The following CERT1 variants were observed in gnomAD, a reference collection of about 807,000 sequenced individuals.
The protein encoded by CERT1 is ceramide transfer protein.
Under a neutral mutation model 87.9 loss-of-function variants are expected in CERT1, and 31 were observed. The ratio of observed to expected loss-of-function variants is 0.35; its 90% CI spans 0.27 to 0.48. The LOEUF (loss-of-function observed/expected upper bound fraction) is 0.48, where lower values mean the gene tolerates loss of function less well. Among genes scored for constraint, CERT1 ranks in the 20% least tolerant of loss-of-function variants. The pLI, the probability that CERT1 is intolerant of heterozygous loss-of-function variation, is 0.99. For synonymous variants in CERT1, 289 were observed against 250.9 expected, an observed-to-expected ratio of 1.15 and a Z score of -1.44; for missense variants, 487 against 758.0, an observed-to-expected ratio of 0.64 and a Z score of 4.20.
At chr5:75,418,043 C>A (rs1763216851) in intron 6 of CERT1, among the ~76,000 whole-genome samples, 1 of 152,186 alleles carries the variant, frequency 6.6e-6, no homozygotes, top group African/African-American at 2.4e-5. Flanking sequence ...GTAATCCCAG[C>A]TACTCAGGAG....
rs540809207 is a variant in CERT1 at position 75,407,567 on chromosome 5, A to C, written c.930+3444T>G. On this transcript the variant is annotated intron_variant, in intron 8 of 16. Transcript: ENST00000643780. ...AAACAAAAAAAACGAATAAGAAAAC[A>C]ACCAAAGGACATGGCCAAGTTAATC... Among the ~76,000 whole-genome samples the C allele has an allele frequency of 2.7e-5, 4 of 149,972 alleles. No homozygotes were observed. The South Asian group carries it at 6.2e-4, about 23-fold the overall frequency.
chr5:75,449,031 A>T (rs116288165), intron 3 of CERT1, among the ~76,000 whole-genome samples: 3,602 of 152,294 alleles, frequency 0.024, 139 homozygotes, highest in African/African-American at 0.082. Context: ...AAATCATAAA[A>T]TGCATTTTCA....
intron 1 of CERT1, among the ~76,000 whole-genome samples, chr5:75,508,973 T>C (rs886450473): frequency 1.3e-5 from 2 of 152,054 alleles, no homozygotes; most frequent in African/African-American, 2.4e-5. Flanking sequence ...CCATGATCCA[T>C]CACGATACTT....
chr5:75,482,520 T>C (rs945857658), intron 2 of CERT1, among the ~76,000 whole-genome samples: 2 of 152,192 alleles, frequency 1.3e-5, no homozygotes, highest in Admixed American at 6.5e-5. Flanking sequence ...GGAGAGCCTT[T>C]AGGCCTTGAG....
At chr5:75,392,233 T>C (rs1425733409) in intron 11 of CERT1, among the ~76,000 whole-genome samples, 4 of 152,202 alleles carry the variant, frequency 2.6e-5, no homozygotes, top group South Asian at 2.1e-4. Context: ...CCTTCAATGG[T>C]AGGCCACGAG....
chr5:75,393,107 G>T (rs1461781303), intron 11 of CERT1, among the ~76,000 whole-genome samples: 1 of 147,290 alleles, frequency 6.8e-6, no homozygotes, highest in African/African-American at 2.5e-5. Flanking sequence ...TGACATTCTA[G>T]GAAATAATGT....
At chr5:75,447,945 T>G (rs1764624550) in intron 3 of CERT1, among the ~76,000 whole-genome samples, 1 of 152,154 alleles carries the variant, frequency 6.6e-6, no homozygotes, top group Non-Finnish European at 1.5e-5. Context: ...CGGCTTGTAT[T>G]TTCTTACTTT....
At chr5:75,415,633 G>C (rs1315580199) in intron 7 of CERT1, among the ~76,000 whole-genome samples, 1 of 152,080 alleles carries the variant, frequency 6.6e-6, no homozygotes, top group Non-Finnish European at 1.5e-5. Flanking sequence ...TGATCCCTTA[G>C]TGAAGGAAAA....
At chr5:75,430,128 T>G (rs1561257211) in intron 3 of CERT1, among the ~76,000 whole-genome samples, 1 of 152,308 alleles carries the variant, frequency 6.6e-6, no homozygotes, top group East Asian at 1.9e-4. Context: ...ACACTAGGAA[T>G]TTATCCATAT....
At chr5:75,492,286 C>G (rs1406873330) in intron 2 of CERT1, among the ~76,000 whole-genome samples, 1 of 152,066 alleles carries the variant, frequency 6.6e-6, no homozygotes, top group Admixed American at 6.5e-5. Context: ...GATCATGAGC[C>G]CAGGAGGTCA....
chr5:75,372,628 A>G (rs960895619), intron 17 of CERT1: 2 of 152,224 alleles, frequency 1.3e-5, no homozygotes, highest in African/African-American at 4.8e-5. Context: ...TAATGTAAGC[A>G]TATGTTTTAT....
At chr5:75,480,922 C>A (rs1442764110) in intron 2 of CERT1, among the ~76,000 whole-genome samples, 2 of 152,172 alleles carry the variant, frequency 1.3e-5, no homozygotes, top group Non-Finnish European at 1.5e-5. Flanking sequence ...GGATTACCTG[C>A]AACAGCCTTT....
chr5:75,453,339 C>T (rs985085583), intron 3 of CERT1, among the ~76,000 whole-genome samples: 7 of 151,994 alleles, frequency 4.6e-5, no homozygotes, highest in Non-Finnish European at 1.0e-4. Context: ...TTTGCTGATT[C>T]CTACAAAGAA....
At chr5:75,504,485 T>TA (rs1268921694) in intron 2 of CERT1, among the ~76,000 whole-genome samples, 3 of 152,182 alleles carry the variant, frequency 2.0e-5, no homozygotes, top group African/African-American at 7.2e-5. Flanking sequence ...AAATAATGTA[T>TA]AAAAAATAAT....
chr5:75,393,625 A>AAAAAAAAAAAAAAAAAAAAAAAAAT (rs1762121630), intron 11 of CERT1, among the ~76,000 whole-genome samples: 2 of 147,036 alleles, frequency 1.4e-5, no homozygotes, highest in South Asian at 2.2e-4. Flanking sequence ...AAAAAAAAAG[A>AAAAAAAAAAAAAAAAAAAAAAAAAT]AAGTCTAGAA....
intron 3 of CERT1, among the ~76,000 whole-genome samples, chr5:75,442,647 G>A (rs1764369619): frequency 6.6e-6 from 1 of 152,144 alleles, no homozygotes; most frequent in Admixed American, 6.5e-5. Flanking sequence ...ATAGTCAGTA[G>A]TACAGTAATC....
chr5:75,390,605 T>A (rs1211358514), intron 11 of CERT1, among the ~76,000 whole-genome samples: 1 of 152,210 alleles, frequency 6.6e-6, no homozygotes, highest in African/African-American at 2.4e-5. Context: ...ACTGAAGTGA[T>A]ACAAAGATTG....
chr5:75,374,635 T>C (rs904550343), downstream of CERT1: 4 of 655,876 alleles, frequency 6.1e-6, no homozygotes, highest in Admixed American at 7.2e-5. Flanking sequence ...GAAGCGAGTG[T>C]CTTTGATGTC....
intron 1 of CERT1, among the ~76,000 whole-genome samples, chr5:75,508,757 G>C (rs1478225630): frequency 1.3e-5 from 2 of 152,144 alleles, no homozygotes; most frequent in African/African-American, 4.8e-5. Context: ...AGGAGGTCTT[G>C]AATGATGGCA....
Sources: gnomAD v4.1 joint callset for allele counts (sites outside exome capture counted in the v4.1 genomes callset) on GRCh38, gnomAD v4.1.1 for gene constraint, MANE v1.5 for transcripts, NCBI Gene and HGNC (gene_info 2026-07-23, HGNC 2026-07-21) for gene names.